The following DOCK3 variants were observed in gnomAD, a reference collection of about 807,000 sequenced individuals.
DOCK3 encodes dedicator of cytokinesis protein 3.
Under a neutral mutation model 265.6 loss-of-function variants are expected in DOCK3, and 60 were observed. The observed-to-expected ratio is 0.23, with a 90% confidence interval of 0.18 to 0.28. The LOEUF is 0.28. DOCK3 is among the 10% of genes least tolerant of loss of function. The pLI is 1.00. For synonymous variants in DOCK3, 881 were observed against 938.0 expected (o/e 0.94, Z 1.11); for missense variants, 1,981 against 2,594.3 (o/e 0.76, Z 5.14).
At chr3:51,042,460 A>G (rs920607371) in intron 5 of DOCK3, among the ~76,000 whole-genome samples, 6 of 152,226 alleles carry the variant, frequency 3.9e-5, no homozygotes, top group African/African-American at 1.2e-4. Flanking sequence ...ATATATGACA[A>G]ACCCACATAC....
intron 1 of DOCK3, among the ~76,000 whole-genome samples, chr3:50,768,091 A>G (rs1187001760): frequency 6.6e-6 from 1 of 152,114 alleles, no homozygotes; most frequent in Non-Finnish European, 1.5e-5. Flanking sequence ...TCTTTTCCTA[A>G]TTGAATACCC....
chr3:51,092,579 G>A (rs2109595157), intron 9 of DOCK3, among the ~76,000 whole-genome samples: 1 of 152,344 alleles, frequency 6.6e-6, no homozygotes, highest in Admixed American at 6.5e-5. Context: ...GCAGCTGTGG[G>A]CGCAGCTTCA....
At chr3:51,103,635 A>G (rs180874272) in intron 9 of DOCK3, among the ~76,000 whole-genome samples, 135 of 152,342 alleles carry the variant, frequency 8.9e-4, no homozygotes, top group African/African-American at 3.2e-3. Context: ...TAGTGCCTAC[A>G]ATGTGCCAGG....
At chr3:51,331,578 C>A (rs1247726195) in intron 33 of DOCK3, among the ~76,000 whole-genome samples, 1 of 150,988 alleles carries the variant, frequency 6.6e-6, no homozygotes, top group Non-Finnish European at 1.5e-5. Context: ...AAAAGTAAAT[C>A]ATGGGTGAAT....
At chr3:50,935,178 G>T (rs1278572554) in intron 5 of DOCK3, among the ~76,000 whole-genome samples, 1 of 152,146 alleles carries the variant, frequency 6.6e-6, no homozygotes, top group Non-Finnish European at 1.5e-5. Context: ...CTAGCCAAAG[G>T]ATAGCCCCAA....
intron 2 of DOCK3, among the ~76,000 whole-genome samples, chr3:50,781,104 A>G (rs2041886553): frequency 6.6e-6 from 1 of 152,022 alleles, no homozygotes; most frequent in African/African-American, 2.4e-5. Flanking sequence ...ATAGTGCTGC[A>G]ATAAACATGG....
intron 5 of DOCK3, among the ~76,000 whole-genome samples, chr3:50,975,843 A>T (rs2077427396): frequency 6.6e-6 from 1 of 151,170 alleles, no homozygotes; most frequent in South Asian, 2.1e-4. Flanking sequence ...CTATTCAGAG[A>T]TTCAACTTCT....
At chr3:50,707,379 G>A (rs2036477274) in intron 1 of DOCK3, among the ~76,000 whole-genome samples, 1 of 151,724 alleles carries the variant, frequency 6.6e-6, no homozygotes, top group East Asian at 1.9e-4. Flanking sequence ...GGAGGTTGAA[G>A]TGAGCCAGGA....
chr3:51,303,115 AT>A (rs199894276), intron 27 of DOCK3, among the ~76,000 whole-genome samples: 23,609 of 141,914 alleles, frequency 0.17, 2,197 homozygotes, highest in South Asian at 0.35. Flanking sequence ...GTTCCTTTTC[AT>A]TTTTTTTTTT....
At chr3:50,798,884 C>T in intron 2 of DOCK3, among the ~76,000 whole-genome samples, 1 of 152,044 alleles carries the variant, frequency 6.6e-6, no homozygotes, top group South Asian at 2.1e-4. Flanking sequence ...GATTTACTTT[C>T]AGTTGATTTT....
rs1037163033 is a variant in DOCK3 at position 50,675,634 on chromosome 3, T to G, written c.37+334T>G. Among the ~76,000 whole-genome samples, 3 of 152,202 alleles carry G rather than the reference T, an allele frequency of 2.0e-5. No individual in the cohort carries two copies. Among genetic ancestry groups the G allele is most frequent in the African/African-American group, 7.2e-5 (3 of 41,456 alleles). ...CCCGATAAACCAAATTCTGGGAATATGTTTTCTCCCCTCCAAAAGCTCGAT... is the reference window on the plus strand; with the variant it reads ...CCCGATAAACCAAATTCTGGGAATAGGTTTTCTCCCCTCCAAAAGCTCGAT... On this transcript the variant is annotated intron_variant, in intron 1 of 52. Coordinates refer to ENST00000266037, the MANE Select transcript of DOCK3 (RefSeq NM_004947.5). This position sits in a 1 kb window ranked among gnomAD's most constrained non-coding sequence, Gnocchi z 6.1.
rs2107626234 is a variant in DOCK3 at position 50,675,325 on chromosome 3, T to C, written c.37+25T>C. On this transcript the variant is annotated intron_variant, in intron 1 of 52. Transcript: ENST00000266037. The surrounding 1 kb of genome is among the most constrained non-coding windows in gnomAD (Gnocchi z 6.1). ...GGTAGGTGAGGCTCAGGCCTGGCCGTGGCGGGGGTTCTGGGGGACGCGCCC... is the reference window on the plus strand; with the variant it reads ...GGTAGGTGAGGCTCAGGCCTGGCCGCGGCGGGGGTTCTGGGGGACGCGCCC... The C allele has an allele frequency of 8.1e-7, 1 of 1,240,440 alleles. No individual in the cohort carries two copies. Among genetic ancestry groups the C allele is most frequent in the Non-Finnish European group, 1.0e-6 (1 of 978,404 alleles). The allele number at this position is 1,240,440 out of a possible 1,614,324, so 76.8% of individuals were successfully genotyped here. A position where few individuals can be genotyped will look rare whatever the true frequency, so the allele number is the denominator to read the frequency against.
intron 1 of DOCK3, among the ~76,000 whole-genome samples, chr3:50,746,967 A>T (rs2039484784): frequency 6.6e-6 from 1 of 151,466 alleles, no homozygotes; most frequent in South Asian, 2.1e-4. Context: ...ATCCATTTTG[A>T]GTTTTCTTTT....
chr3:50,712,078 A>G (rs2036809207), intron 1 of DOCK3, among the ~76,000 whole-genome samples: 1 of 152,142 alleles, frequency 6.6e-6, no homozygotes, highest in Non-Finnish European at 1.5e-5. Context: ...GGTCAATCCA[A>G]CTAAAGGCCT....
At chr3:51,076,693 T>A (rs1250977720) in intron 7 of DOCK3, among the ~76,000 whole-genome samples, 1 of 152,134 alleles carries the variant, frequency 6.6e-6, no homozygotes, top group Non-Finnish European at 1.5e-5. Flanking sequence ...TAGACCACAG[T>A]CAAACAGTTG....
At chr3:50,839,247 T>G (rs1184430910) in intron 2 of DOCK3, among the ~76,000 whole-genome samples, 1 of 152,240 alleles carries the variant, frequency 6.6e-6, no homozygotes, top group Admixed American at 6.5e-5. Context: ...GAGTGACATC[T>G]TAGATGCTTT....
rs1047427094 is a variant in DOCK3, at chr3:51,011,149, G to A, written c.316-53299G>A. ...CTTTATGGTGTTCTTTGTATTTCCTGAATTTGAATGTTGGCGTGTCTTGCT... is the reference window on the plus strand; with the variant it reads ...CTTTATGGTGTTCTTTGTATTTCCTAAATTTGAATGTTGGCGTGTCTTGCT... On this transcript the variant is annotated intron_variant, in intron 5 of 52. Coordinates refer to ENST00000266037, the MANE Select transcript of DOCK3 (RefSeq NM_004947.5). Among the ~76,000 whole-genome samples, 59 of 152,086 alleles carry A rather than the reference G, an allele frequency of 3.9e-4. 1 individual carries two copies. The highest frequency in any genetic ancestry group is 7.4e-5 in the Non-Finnish European group (5 of 68,008).
chr3:51,249,204 G>A (rs1338529916), intron 22 of DOCK3, among the ~76,000 whole-genome samples: 10 of 136,846 alleles, frequency 7.3e-5, no homozygotes, highest in Non-Finnish European at 1.3e-4. Flanking sequence ...GGAGGTGGGG[G>A]GGTCAGCCCC....
At position 50,806,524 on chromosome 3, in the gene DOCK3, G is replaced by T. The variant is rs111822664; in HGVS notation, c.121+27766G>T. Among the ~76,000 whole-genome samples the T allele has an allele frequency of 4.6e-5, 7 of 151,098 alleles. 2 individuals are homozygous for T. The highest frequency in any genetic ancestry group is 1.7e-4 in the African/African-American group (7 of 41,130). ...CAGGGACCTCTTCTGCTTGGGGGAG[G>T]GTGGGTAAGGACATGGCTGGCTCTC... On this transcript the variant is annotated intron_variant, in intron 2 of 52. Transcript: ENST00000266037.
Sources: gnomAD v4.1 joint callset for allele counts (sites outside exome capture counted in the v4.1 genomes callset) on GRCh38, gnomAD v4.1.1 for gene constraint, Gnocchi (gnomAD v3.1) non-coding constraint, MANE v1.5 for transcripts, NCBI Gene and HGNC (gene_info 2026-07-23, HGNC 2026-07-21) for gene names.